The following LGR5 variants were observed in gnomAD, a reference collection of about 807,000 sequenced individuals.
The protein encoded by LGR5 is leucine-rich repeat-containing G protein-coupled receptor 5.
Under a neutral mutation model 76.7 loss-of-function variants are expected in LGR5, and 54 were observed. The ratio of observed to expected loss-of-function variants is 0.70; its 90% confidence interval spans 0.57 to 0.88. The LOEUF (loss-of-function observed/expected upper bound fraction) is 0.88, where lower values mean the gene tolerates loss of function less well. LGR5 is among the 40% of genes least tolerant of loss of function. LGR5 has a pLI of 0.00. For missense variants in LGR5, 1,078 were observed against 1,073.3 expected, an observed-to-expected ratio of 1.00 and a Z score of -0.06; for synonymous variants, 406 against 421.9, an observed-to-expected ratio of 0.96 and a Z score of 0.46.
chr12:71,497,202 C>T (rs888743238), intron 1 of LGR5, among the ~76,000 whole-genome samples: 1 of 152,004 alleles, frequency 6.6e-6, no homozygotes, highest in African/African-American at 2.4e-5. Context: ...GTGGTTCCAG[C>T]TATCCGGCAG....
intron 1 of LGR5, among the ~76,000 whole-genome samples, chr12:71,487,092 A>G (rs1308020053): frequency 3.9e-5 from 6 of 152,190 alleles, no homozygotes; most frequent in Admixed American, 3.9e-4. Flanking sequence ...CATTATTGAG[A>G]GAAAAAGTCA....
At chr12:71,510,213 A>G (rs1425666427) in intron 2 of LGR5, among the ~76,000 whole-genome samples, 1 of 152,192 alleles carries the variant, frequency 6.6e-6, no homozygotes, top group African/African-American at 2.4e-5. Flanking sequence ...TCCTGTCTTC[A>G]TAGATCTGCC....
chr12:71,525,943 A>G (rs1875981518), intron 3 of LGR5, among the ~76,000 whole-genome samples: 2 of 151,904 alleles, frequency 1.3e-5, no homozygotes, highest in South Asian at 4.1e-4. Flanking sequence ...ATACCATTAT[A>G]TATTTCTAAT....
intron 1 of LGR5, among the ~76,000 whole-genome samples, chr12:71,501,170 C>T (rs1255439455): frequency 6.6e-6 from 1 of 152,012 alleles, no homozygotes; most frequent in Non-Finnish European, 1.5e-5. Context: ...TCATTTGCTG[C>T]TAAGGTTATG....
At chr12:71,521,226 GATACC>G (rs1350003908) in intron 2 of LGR5, among the ~76,000 whole-genome samples, 1 of 152,172 alleles carries the variant, frequency 6.6e-6, no homozygotes, top group Non-Finnish European at 1.5e-5. Context: ...AGGCAAGTAT[GATACC>G]ATACCTTTCT....
chr12:71,524,986 G>A (rs1413937201), intron 3 of LGR5, among the ~76,000 whole-genome samples: 2 of 152,082 alleles, frequency 1.3e-5, no homozygotes, highest in Non-Finnish European at 2.9e-5. Context: ...TTAATTCATT[G>A]AAAATTGTAA....
intron 4 of LGR5, 83 bp downstream of exon 4, chr12:71,535,269 G>A: frequency 1.1e-6 from 1 of 931,244 alleles, no homozygotes; most frequent in Non-Finnish European, 1.7e-6. Context: ...ATTTTAGTAT[G>A]TTCCTTGGTT....
intron 1 of LGR5, among the ~76,000 whole-genome samples, chr12:71,498,414 T>C (rs1053530732): frequency 2.6e-5 from 4 of 152,196 alleles, no homozygotes; most frequent in Non-Finnish European, 4.4e-5. Flanking sequence ...AAGATCAAGG[T>C]ACCAGCAGAT....
At chr12:71,544,991 G>A (rs371657955) in intron 4 of LGR5, among the ~76,000 whole-genome samples, 2 of 151,900 alleles carry the variant, frequency 1.3e-5, no homozygotes, top group South Asian at 2.1e-4. Context: ...GCTCATCCAG[G>A]CCAGGAGCCG....
At chr12:71,468,940 A>G (rs1170791464) in intron 1 of LGR5, among the ~76,000 whole-genome samples, 1 of 152,188 alleles carries the variant, frequency 6.6e-6, no homozygotes, top group African/African-American at 2.4e-5. Flanking sequence ...TTGTATTAAT[A>G]TAAGAGCTGT....
intron 13 of LGR5, among the ~76,000 whole-genome samples, chr12:71,574,247 G>A (rs1049764159): frequency 7.8e-6 from 1 of 127,610 alleles, no homozygotes; most frequent in Non-Finnish European, 1.6e-5. Flanking sequence ...AGGTTGCAGT[G>A]AGCCGAGATC....
chr12:71,473,353 A>G (rs1455890756), intron 1 of LGR5, among the ~76,000 whole-genome samples: 1 of 152,228 alleles, frequency 6.6e-6, no homozygotes, highest in East Asian at 1.9e-4. Flanking sequence ...TTCATTATTA[A>G]TTTGTTGAAT....
chr12:71,556,335 A>T (rs781727032), intron 5 of LGR5, among the ~76,000 whole-genome samples: 11 of 152,006 alleles, frequency 7.2e-5, no homozygotes, highest in Non-Finnish European at 1.6e-4. Context: ...AAAAAAAAAA[A>T]CAGCCTTGAA....
intron 2 of LGR5, among the ~76,000 whole-genome samples, chr12:71,522,353 A>G (rs1052695993): frequency 6.6e-6 from 1 of 152,202 alleles, no homozygotes; most frequent in African/African-American, 2.4e-5. Flanking sequence ...GTCTAAAGAG[A>G]GTTTTCTGAT....
intron 1 of LGR5, among the ~76,000 whole-genome samples, chr12:71,464,678 T>G (rs1056683834): frequency 6.6e-6 from 1 of 152,164 alleles, no homozygotes; most frequent in Non-Finnish European, 1.5e-5. Flanking sequence ...TAAGGAGAGT[T>G]TCAACCGGCT....
chr12:71,566,575 A>C, intron 9 of LGR5, 57 bp from the exon 10 acceptor site: 6 of 1,548,932 alleles, frequency 3.9e-6, no homozygotes, highest in Non-Finnish European at 5.3e-6. Flanking sequence ...AATGGCAATA[A>C]AAATTACCCC....
intron 13 of LGR5, among the ~76,000 whole-genome samples, chr12:71,574,756 C>A (rs1878775574): frequency 6.6e-6 from 1 of 152,108 alleles, no homozygotes. Flanking sequence ...ATTCCCATTG[C>A]CTATAGGATT....
At chr12:71,465,406 C>T (rs550247521) in intron 1 of LGR5, among the ~76,000 whole-genome samples, 5 of 152,284 alleles carry the variant, frequency 3.3e-5, no homozygotes, top group African/African-American at 1.2e-4. Context: ...TTTTCCTGCT[C>T]TTCTGTTTCA....
At chr12:71,465,324 T>A (rs1427556015) in intron 1 of LGR5, among the ~76,000 whole-genome samples, 1 of 152,350 alleles carries the variant, frequency 6.6e-6, no homozygotes, top group Non-Finnish European at 1.5e-5. Flanking sequence ...CTCACCACAG[T>A]AAGGCGGTGC....
Sources: gnomAD v4.1 joint callset for allele counts (sites outside exome capture counted in the v4.1 genomes callset) on GRCh38, gnomAD v4.1.1 for gene constraint, MANE v1.5 for transcripts, NCBI Gene and HGNC (gene_info 2026-07-23, HGNC 2026-07-21) for gene names.